The following RAD51B variants were observed in gnomAD, a reference collection of about 807,000 sequenced individuals.
The protein encoded by RAD51B is RAD51 paralog B.
In RAD51B, 38 loss-of-function variants were observed where a neutral mutation model predicts 42.2. The ratio of observed to expected loss-of-function variants is 0.90; its 90% CI spans 0.70 to 1.18. The LOEUF is 1.18. RAD51B is among the 50% of genes most tolerant of loss of function. The pLI is 0.00. For synonymous variants in RAD51B, 154 were observed against 145.2 expected, an observed-to-expected ratio of 1.06 and a Z score of -0.43; for missense variants, 373 against 400.7, an observed-to-expected ratio of 0.93 and a Z score of 0.59.
chr14:68,390,830 C>T (rs2083726563), intron 8 of RAD51B, among the ~76,000 whole-genome samples: 1 of 152,228 alleles, frequency 6.6e-6, no homozygotes, highest in African/African-American at 2.4e-5. Flanking sequence ...GTCTGCACTA[C>T]TGAGATACAT....
intron 7 of RAD51B, among the ~76,000 whole-genome samples, chr14:68,095,467 A>T (rs901363507): frequency 1.3e-5 from 2 of 152,132 alleles, no homozygotes; most frequent in African/African-American, 4.8e-5. Flanking sequence ...TGGGTATGAA[A>T]AAAAAAGAAG....
rs1752429853 is a variant in RAD51B at position 68,055,685 on chromosome 14, T to C, written c.756+168481T>C. Among the ~76,000 whole-genome samples, 3 of 152,202 alleles carry C rather than the reference T, an allele frequency of 2.0e-5. No individual in the cohort carries two copies. The South Asian group carries it at 6.2e-4, about 31-fold the overall frequency. On this transcript the variant is annotated intron_variant, in intron 7 of 10. Transcript: ENST00000471583. Reference sequence around the variant, plus strand: ...CTGGGTACTTCTAGCATTGGATCTCTCATGAGGTTTCAGTTAGATATAGGT... The same window carrying C: ...CTGGGTACTTCTAGCATTGGATCTCCCATGAGGTTTCAGTTAGATATAGGT...
intron 4 of RAD51B, among the ~76,000 whole-genome samples, chr14:67,837,066 A>G (rs1488009394): frequency 6.6e-6 from 1 of 152,136 alleles, no homozygotes; most frequent in Admixed American, 6.6e-5. Context: ...AGATTTAAAG[A>G]TTTATATGAG....
At chr14:67,977,212 G>T (rs980382965) in intron 7 of RAD51B, among the ~76,000 whole-genome samples, 1 of 152,036 alleles carries the variant, frequency 6.6e-6, no homozygotes, top group Non-Finnish European at 1.5e-5. Flanking sequence ...TTTACTTCTC[G>T]CATCTTTATT....
chr14:68,318,591 T>A (rs770124437), intron 8 of RAD51B, among the ~76,000 whole-genome samples: 14 of 152,174 alleles, frequency 9.2e-5, no homozygotes, highest in Non-Finnish European at 1.5e-4. Flanking sequence ...AAGAGAGAGT[T>A]TTGCATTTAT....
intron 7 of RAD51B, among the ~76,000 whole-genome samples, chr14:68,074,634 G>C (rs1047779808): frequency 6.6e-6 from 1 of 152,140 alleles, no homozygotes; most frequent in African/African-American, 2.4e-5. Context: ...TTCTTGCGTT[G>C]GTTCTTTCTC....
At chr14:67,916,578 C>T in intron 7 of RAD51B, among the ~76,000 whole-genome samples, 1 of 151,904 alleles carries the variant, frequency 6.6e-6, no homozygotes, top group East Asian at 1.9e-4. Context: ...CATAAGAACC[C>T]ACCTCAAAGC....
At chr14:68,319,627 CAG>C (rs764032474) in intron 8 of RAD51B, among the ~76,000 whole-genome samples, 11 of 152,166 alleles carry the variant, frequency 7.2e-5, no homozygotes, top group Non-Finnish European at 1.3e-4. Context: ...TACTGTAGCT[CAG>C]AGTTATACCT....
chr14:67,950,326 T>C (rs1366932118), intron 7 of RAD51B, among the ~76,000 whole-genome samples: 2 of 152,252 alleles, frequency 1.3e-5, no homozygotes, highest in Non-Finnish European at 2.9e-5. Context: ...AGCATCTACA[T>C]CCACACTTGG....
At chr14:68,276,414 C>CT (rs199738833) in intron 7 of RAD51B, among the ~76,000 whole-genome samples, 17 of 151,536 alleles carry the variant, frequency 1.1e-4, no homozygotes, top group Non-Finnish European at 1.5e-4. Flanking sequence ...ACTCATTTTA[C>CT]TTTTTTTTTA....
chr14:68,476,959 A>G (rs1882672091), intron 10 of RAD51B, among the ~76,000 whole-genome samples: 1 of 152,172 alleles, frequency 6.6e-6, no homozygotes, highest in South Asian at 2.1e-4. Flanking sequence ...TGAATTCTGA[A>G]GCCCTCCCAG....
intron 7 of RAD51B, among the ~76,000 whole-genome samples, chr14:67,903,231 G>A (rs751591477): frequency 2.0e-5 from 3 of 152,050 alleles, no homozygotes; most frequent in Non-Finnish European, 4.4e-5. Flanking sequence ...TTATTTGATC[G>A]TTTATTTGTA....
At chr14:68,605,821 C>T (rs1891423443) in intron 10 of RAD51B, among the ~76,000 whole-genome samples, 3 of 152,200 alleles carry the variant, frequency 2.0e-5, no homozygotes, top group South Asian at 4.1e-4. Context: ...TCTTGCTCTC[C>T]ACCCGCCCCT....
chr14:68,136,575 C>CAAAAAAAAAAAAAA (rs1204817902), intron 7 of RAD51B, among the ~76,000 whole-genome samples: 72 of 4,454 alleles, frequency 0.016, 9 homozygotes, highest in African/African-American at 0.024. Context: ...GACTCCATCT[C>CAAAAAAAAAAAAAA]AAAAAAAAAA....
intron 7 of RAD51B, among the ~76,000 whole-genome samples, chr14:68,045,404 G>T (rs1046391366): frequency 1.3e-5 from 2 of 152,038 alleles, no homozygotes; most frequent in Non-Finnish European, 2.9e-5. Context: ...CACAATAAGG[G>T]CTGAATAAAA....
chr14:68,287,887 G>A (rs1012641500), intron 7 of RAD51B, among the ~76,000 whole-genome samples: 1 of 152,188 alleles, frequency 6.6e-6, no homozygotes, highest in African/African-American at 2.4e-5. Flanking sequence ...TCAGAACCAT[G>A]TGAGCTAAGT....
chr14:67,954,803 G>T (rs965987551), intron 7 of RAD51B, among the ~76,000 whole-genome samples: 2 of 152,156 alleles, frequency 1.3e-5, no homozygotes, highest in African/African-American at 4.8e-5. Context: ...CAGAGGTAAA[G>T]GAGTATTTGG....
At chr14:68,618,697 C>T (rs1344300204) in intron 10 of RAD51B, among the ~76,000 whole-genome samples, 1 of 152,208 alleles carries the variant, frequency 6.6e-6, no homozygotes, top group Non-Finnish European at 1.5e-5. Flanking sequence ...AGACCATAGG[C>T]AGATCACTTT....
At chr14:68,334,852 A>C (rs1375213802) in intron 8 of RAD51B, among the ~76,000 whole-genome samples, 1 of 148,940 alleles carries the variant, frequency 6.7e-6, no homozygotes, top group African/African-American at 2.4e-5. Flanking sequence ...GGATAGATAT[A>C]TCATATATTT....
Sources: gnomAD v4.1 joint callset for allele counts (sites outside exome capture counted in the v4.1 genomes callset) on GRCh38, gnomAD v4.1.1 for gene constraint, MANE v1.5 for transcripts, NCBI Gene and HGNC (gene_info 2026-07-23, HGNC 2026-07-21) for gene names.